AGMAT: variants seen among roughly 807,000 people sequenced by gnomAD.
AGMAT encodes agmatinase (putative).
In AGMAT, 37 loss-of-function variants were observed where a neutral mutation model predicts 29.3. The ratio of observed to expected loss-of-function variants is 1.26; its 90% CI spans 0.97 to 1.66. The LOEUF (loss-of-function observed/expected upper bound fraction) is 1.66. AGMAT is among the 40% of genes most tolerant of loss of function. AGMAT has a pLI of 0.00. For synonymous variants in AGMAT, 199 were observed against 200.8 expected, an observed-to-expected ratio of 0.99 and a Z score of 0.08; for missense variants, 498 against 497.8, an observed-to-expected ratio of 1.00 and a Z score of 0.00.
rs866895129 is a variant in AGMAT, at chr1:15,573,725, CT to C, written c.986-2del. ...TTAGCCGCCAGCAGGGCTGTGTTCC[CT>C]AAGAAAAAGTAAAACCTCACATGAA... On this transcript the variant is annotated splice_acceptor_variant, in intron 6 of 6. Coordinates refer to ENST00000375826, the MANE Select transcript of AGMAT (RefSeq NM_024758.5). LOFTEE classifies it high-confidence loss of function. 1.6e-5 allele frequency: 26 copies of C among 1,613,976 alleles called. No homozygotes were observed. The highest frequency in any genetic ancestry group is 2.2e-5 in the Non-Finnish European group (26 of 1,179,952).
At chr1:15,581,448 C>G (rs72645843) in intron 2 of AGMAT, among the ~76,000 whole-genome samples, 28,617 of 152,180 alleles carry the variant, frequency 0.19, 2,951 homozygotes, top group African/African-American at 0.26. Context: ...TAGCTCTGTT[C>G]AATAGAACCT....
At chr1:15,578,038 A>G (rs978795536) in intron 4 of AGMAT, among the ~76,000 whole-genome samples, 174 bp from the exon 5 acceptor site, 1 of 152,242 alleles carries the variant, frequency 6.6e-6, no homozygotes, top group African/African-American at 2.4e-5. Flanking sequence ...GTAAGGAAGC[A>G]GGGTCAAAGC....
Position 15,571,974 on chromosome 1 carries a change from G to A in AGMAT, c.*1677C>T, listed in dbSNP as rs1036479205. Among the ~76,000 whole-genome samples the A allele has an allele frequency of 2.0e-5, 3 of 150,546 alleles. No individual in the cohort carries two copies. Among genetic ancestry groups the A allele is most frequent in the Non-Finnish European group, 3.0e-5 (2 of 67,744 alleles). On this transcript the variant is annotated 3_prime_UTR_variant, in exon 7 of 7. Transcript: ENST00000375826. ...AGCCTGGCCAACATGGTGAAACCCC[G>A]TCTCTACTAAAAATACAAAAATTAG... is the stretch of plus-strand genomic sequence containing the variant.
chr1:15,581,336 G>A (rs1639111271), intron 2 of AGMAT, among the ~76,000 whole-genome samples: 1 of 152,084 alleles, frequency 6.6e-6, no homozygotes, highest in Non-Finnish European at 1.5e-5. Context: ...GTGACAGAGT[G>A]AGACCGTGTC....
intron 6 of AGMAT, among the ~76,000 whole-genome samples, chr1:15,574,266 G>A (rs984223781): frequency 6.6e-6 from 1 of 152,056 alleles, no homozygotes; most frequent in Non-Finnish European, 1.5e-5. Flanking sequence ...CTACCTCCTG[G>A]GGGTTTTGTT....
At chr1:15,581,908 C>T (rs1468346058) in intron 2 of AGMAT, among the ~76,000 whole-genome samples, 2 of 151,468 alleles carry the variant, frequency 1.3e-5, no homozygotes, top group East Asian at 3.9e-4. Flanking sequence ...CCTTACTGGA[C>T]AGCACAGACC....
Position 15,573,729 on chromosome 1 carries a change from G to C in AGMAT, c.986-5C>G, listed in dbSNP as rs368695316. On this transcript the variant is annotated splice_polypyrimidine_tract_variant and splice_region_variant and intron_variant, in intron 6 of 6. Transcript: ENST00000375826. ...CCGCCAGCAGGGCTGTGTTCCCTAAGAAAAAGTAAAACCTCACATGAATAC... is the reference window on the plus strand; with the variant it reads ...CCGCCAGCAGGGCTGTGTTCCCTAACAAAAAGTAAAACCTCACATGAATAC... 26 of 1,613,892 alleles carry C rather than the reference G, an allele frequency of 1.6e-5. No individual in the cohort carries two copies. The highest frequency in any genetic ancestry group is 2.2e-5 in the Non-Finnish European group (26 of 1,179,902).
At chr1:15,584,282 A>G (rs1639153165) in intron 1 of AGMAT, among the ~76,000 whole-genome samples, 1 of 151,800 alleles carries the variant, frequency 6.6e-6, no homozygotes, top group Non-Finnish European at 1.5e-5. Flanking sequence ...AGCTGGGATT[A>G]CAGGCCCGCG....
chr1:15,573,265 A>G lies in AGMAT; in HGVS notation c.*386T>C, dbSNP rs1638985428. ...CAAGCAAAACTCTATCTCAAAAAAA[A>G]AAATGTTTAAAAGGAAGATATAGAA... is the stretch of plus-strand genomic sequence containing the variant. On this transcript the variant is annotated 3_prime_UTR_variant, in exon 7 of 7. Transcript: ENST00000375826. 1 of 158,496 alleles carries G rather than the reference A, an allele frequency of 6.3e-6. No individual in the cohort carries two copies. The highest frequency in any genetic ancestry group is 1.4e-5 in the Non-Finnish European group (1 of 71,932). 9.8% of individuals were successfully genotyped at this position (158,496 alleles called of 1,614,324 possible). A position where few individuals can be genotyped will look rare whatever the true frequency, so the allele number is the denominator to read the frequency against.
chr1:15,578,036 G>A (rs968727467), intron 4 of AGMAT, among the ~76,000 whole-genome samples, 172 bp from the exon 5 acceptor site: 1 of 152,216 alleles, frequency 6.6e-6, no homozygotes, highest in Non-Finnish European at 1.5e-5. Flanking sequence ...TGGTAAGGAA[G>A]CAGGGTCAAA....
chr1:15,578,723 T>C (rs555784377), intron 4 of AGMAT, 136 bp downstream of exon 4: 10 of 981,558 alleles, frequency 1.0e-5, no homozygotes, highest in South Asian at 1.6e-5. Flanking sequence ...ATGCCCCTGA[T>C]GATGCAAACT....
Position 15,585,047 on chromosome 1 carries a change from A to G in AGMAT, c.-80T>C. On this transcript the variant is annotated 5_prime_UTR_variant, in exon 1 of 7. Coordinates refer to ENST00000375826, the MANE Select transcript of AGMAT (RefSeq NM_024758.5). ...CTGGCTGGTCCCGAACGGCGAGGCG[A>G]GTGTGCACGCGCCAGAGCCGGAACC... 1 of 1,255,654 alleles carries G rather than the reference A, an allele frequency of 8.0e-7. No individual in the cohort carries two copies. The highest frequency in any genetic ancestry group is 3.0e-5 in the South Asian group (1 of 33,692). The allele number at this position is 1,255,654 out of a possible 1,614,324, so 77.8% of individuals were successfully genotyped here.
Position 15,573,439 on chromosome 1 carries a change from C to CTTTTTTTTTTTTTTTTTTTT in AGMAT, c.*211_*212insAAAAAAAAAAAAAAAAAAAA. On this transcript the variant is annotated 3_prime_UTR_variant, in exon 7 of 7. Coordinates refer to ENST00000375826, the MANE Select transcript of AGMAT (RefSeq NM_024758.5). ...AAAAATCAAAGCAGTACAAGTACTC[C>CTTTTTTTTTTTTTTTTTTTT]TTTTTTTTTCCCCCAATTAATCCAA... is the stretch of plus-strand genomic sequence containing the variant. 1.9e-6 allele frequency: 1 copy of CTTTTTTTTTTTTTTTTTTTT among 516,654 alleles called. No homozygotes were observed. 32.0% of individuals were successfully genotyped at this position (516,654 alleles called of 1,614,324 possible). A position where few individuals can be genotyped will look rare whatever the true frequency, so the allele number is the denominator to read the frequency against.
intron 2 of AGMAT, among the ~76,000 whole-genome samples, chr1:15,580,914 G>A (rs1451966913): frequency 2.0e-5 from 3 of 152,080 alleles, no homozygotes; most frequent in Admixed American, 2.0e-4. Flanking sequence ...AGCGGAGGTT[G>A]CGGTGAGCCA....
In AGMAT at chr1:15,584,949, A is replaced by G; in HGVS notation, c.19T>C (p.Ser7Pro). 1 of 1,359,156 alleles carries G rather than the reference A, an allele frequency of 7.4e-7. No individual in the cohort carries two copies. Among genetic ancestry groups the G allele is most frequent in the Non-Finnish European group, 9.4e-7 (1 of 1,064,616 alleles). 84.2% of individuals were successfully genotyped at this position (1,359,156 alleles called of 1,614,324 possible). A position where few individuals can be genotyped will look rare whatever the true frequency, so the allele number is the denominator to read the frequency against. MLRLLA[S>P]GCARGPGPGV... ...GGCCCCGGGCCCCGGGCGCACCCGG[A>G]CGCCAGCAGCCTCAGCATTGCCGCG... is the stretch of plus-strand genomic sequence containing the variant. Residue 7 changes from serine to proline, a missense_variant, in exon 1 of 7, where the codon TCC (serine) becomes CCC (proline). Coordinates refer to ENST00000375826, the MANE Select transcript of AGMAT (RefSeq NM_024758.5).
Position 15,580,084 on chromosome 1 carries a change from T to A in AGMAT, c.524+10A>T. ...GAAATCTTGCTGGGCCCAAGCCATTTGAGACTTACTTTTTTGCCATCGCTT... is the reference window on the plus strand; with the variant it reads ...GAAATCTTGCTGGGCCCAAGCCATTAGAGACTTACTTTTTTGCCATCGCTT... On this transcript the variant is annotated intron_variant, in intron 3 of 6. Coordinates refer to ENST00000375826, the MANE Select transcript of AGMAT (RefSeq NM_024758.5). 1 of 1,613,516 alleles carries A rather than the reference T, an allele frequency of 6.2e-7. No individual in the cohort carries two copies. Among genetic ancestry groups the A allele is most frequent in the Non-Finnish European group, 8.5e-7 (1 of 1,179,430 alleles).
intron 1 of AGMAT, among the ~76,000 whole-genome samples, chr1:15,584,324 T>TG (rs1639154957): frequency 3.3e-5 from 5 of 150,806 alleles, no homozygotes; most frequent in Admixed American, 2.6e-4. Flanking sequence ...TTCTTTTTTT[T>TG]GTACCTTTGT....
chr1:15,581,760 A>G (rs1319549270), intron 2 of AGMAT, among the ~76,000 whole-genome samples: 7 of 151,980 alleles, frequency 4.6e-5, no homozygotes, highest in Admixed American at 4.6e-4. Flanking sequence ...CTGTAATCCC[A>G]GCTATTCAGG....
rs561612318 is a variant in AGMAT, at chr1:15,582,612, G to C, written c.475+581C>G. Among the ~76,000 whole-genome samples, 3 of 152,292 alleles carry C rather than the reference G, an allele frequency of 2.0e-5. No homozygotes were observed. In the East Asian group the frequency reaches 5.8e-4, roughly 29 times the overall value. On this transcript the variant is annotated intron_variant, in intron 2 of 6. Transcript: ENST00000375826. ...AAAGTGAGAGTGGGTCAGGGGTGAG[G>C]ATAAGGGGAAAGCTGCCCTATAGGT... is the stretch of plus-strand genomic sequence containing the variant.
Sources: gnomAD v4.1 joint callset for allele counts (sites outside exome capture counted in the v4.1 genomes callset) on GRCh38, gnomAD v4.1.1 for gene constraint, MANE v1.5 for transcripts, NCBI Gene and HGNC (gene_info 2026-07-23, HGNC 2026-07-21) for gene names.